The following PHF3 variants were observed in gnomAD, a reference collection of about 807,000 sequenced individuals.
The protein encoded by PHF3 is PHD finger protein 3.
Under a neutral mutation model 178.4 loss-of-function variants are expected in PHF3, and 41 were observed. The observed-to-expected ratio is 0.23, with a 90% confidence interval of 0.18 to 0.30. The LOEUF (loss-of-function observed/expected upper bound fraction) is 0.30, where lower values mean the gene tolerates loss of function less well. PHF3 is among the 10% of genes least tolerant of loss of function. The pLI is 1.00. For missense variants in PHF3, 2,346 were observed against 2,398.1 expected (o/e 0.98, Z 0.45); for synonymous variants, 842 against 800.5 (o/e 1.05, Z -0.88).
intron 2 of PHF3, among the ~76,000 whole-genome samples, chr6:63,672,164 C>T (rs529431305): frequency 1.3e-5 from 2 of 152,126 alleles, no homozygotes; most frequent in African/African-American, 2.4e-5. Context: ...TTTTACCGAA[C>T]CAAGTCTGTA....
chr6:63,700,294 A>G (rs1767416976), intron 8 of PHF3, 56 bp from the exon 9 acceptor site: 1 of 742,766 alleles, frequency 1.3e-6, no homozygotes, highest in Non-Finnish European at 2.3e-6. Flanking sequence ...ATTTCTGTGT[A>G]GTAGCCACTC....
At chr6:63,700,966 A>C (rs1011981748) in intron 9 of PHF3, among the ~76,000 whole-genome samples, 3 of 152,016 alleles carry the variant, frequency 2.0e-5, no homozygotes, top group Non-Finnish European at 2.9e-5. Context: ...CATTTTCTCC[A>C]GTTACTAGGT....
chr6:63,703,668 A>C lies in PHF3; in HGVS notation c.3364A>C (p.Ile1122Leu), dbSNP rs758170728. The change falls in exon 11 of 16, where the codon ATA (isoleucine) becomes CTA (leucine). Residue 1122 changes from isoleucine to leucine, a missense_variant. Physicochemically the swap from Ile to Leu is conservative, Grantham distance 5 (BLOSUM62 2). This residue lies in a region of PHF3 where 205 missense variants were observed against 212.4 expected (regional missense o/e 0.97). Transcript: ENST00000262043. ...TTTTGATCTCAACTGCAAAATCTGCATAGGTAATTGGAAGTTTTTCTTCGT... is the reference window on the plus strand; with the variant it reads ...TTTTGATCTCAACTGCAAAATCTGCCTAGGTAATTGGAAGTTTTTCTTCGT... ...HLFDLNCKIC[I>L]GRMAPPVDDL... The C allele has an allele frequency of 1.3e-6, 2 of 1,596,442 alleles. No individual in the cohort carries two copies. The highest frequency in any genetic ancestry group is 1.4e-5 in the African/African-American group (1 of 73,658).
chr6:63,720,999 A>G lies in PHF3; in HGVS notation c.*7291A>G, dbSNP rs1482378520. Reference sequence around the variant, plus strand: ...TTTCAAGGTCTGATTATGGAGACCAATTGCCAGAAAATCATTTTCTTCATT... The same window carrying G: ...TTTCAAGGTCTGATTATGGAGACCAGTTGCCAGAAAATCATTTTCTTCATT... On this transcript the variant is annotated 3_prime_UTR_variant, in exon 16 of 16. Transcript: ENST00000262043. 6.4e-7 allele frequency: 1 copy of G among 1,551,298 alleles called. No homozygotes were observed. Among genetic ancestry groups the G allele is most frequent in the East Asian group, 2.4e-5 (1 of 40,894 alleles).
At position 63,685,574 on chromosome 6, in the gene PHF3, C is replaced by T. The variant is rs866069301; in HGVS notation, c.1852C>T (p.His618Tyr). The T allele has an allele frequency of 6.2e-7, 1 of 1,614,090 alleles. No homozygotes were observed. Among genetic ancestry groups the T allele is most frequent in the Non-Finnish European group, 8.5e-7 (1 of 1,179,992 alleles). ...KEPHHPAQTG[H>Y]VSHSSQKQCH... ...ACCTCATCATCCTGCACAAACTGGA[C>T]ATGTATCACATTCTAGCCAGAAACA... is the stretch of plus-strand genomic sequence containing the variant. Residue 618 changes from histidine (H) to tyrosine (Y), a missense_variant, in exon 4 of 16, where the codon CAT (histidine) becomes TAT (tyrosine). Coordinates refer to ENST00000262043, the MANE Select transcript of PHF3 (RefSeq NM_001370348.2).
At chr6:63,674,766 G>T in intron 2 of PHF3, among the ~76,000 whole-genome samples, 1 of 152,090 alleles carries the variant, frequency 6.6e-6, no homozygotes, top group East Asian at 1.9e-4. Flanking sequence ...CCTCAAGTCT[G>T]GTACTTACTG....
chr6:63,642,615 C>T (rs1028193909), intron 1 of PHF3, among the ~76,000 whole-genome samples: 3 of 152,126 alleles, frequency 2.0e-5, no homozygotes, highest in African/African-American at 4.8e-5. Flanking sequence ...ATTACCAATA[C>T]GGATTTAATT....
intron 1 of PHF3, among the ~76,000 whole-genome samples, chr6:63,638,617 T>TA (rs1764447716): frequency 6.6e-6 from 1 of 152,126 alleles, no homozygotes; most frequent in Non-Finnish European, 1.5e-5. Flanking sequence ...TCAGGATTCT[T>TA]AGGGTGCTGA....
Position 63,713,599 on chromosome 6 carries a change from A to AT in PHF3, c.6012dup (p.Glu2005Ter). On this transcript the variant is annotated frameshift_variant, in exon 16 of 16. Coordinates refer to ENST00000262043, the MANE Select transcript of PHF3 (RefSeq NM_001370348.2). LOFTEE classifies it high-confidence loss of function. ...CCAGATAAACCTAAAAGTGAAGACT[A>AT]TGAGAAGGACAAAGAACGAGAGAAA... 1 of 1,613,700 alleles carries AT rather than the reference A, an allele frequency of 6.2e-7. No individual in the cohort carries two copies. Among genetic ancestry groups the AT allele is most frequent in the African/African-American group, 1.3e-5 (1 of 75,020 alleles).
chr6:63,697,113 G>C (rs1246588868), intron 6 of PHF3, among the ~76,000 whole-genome samples: 1 of 152,074 alleles, frequency 6.6e-6, no homozygotes, highest in Non-Finnish European at 1.5e-5. Flanking sequence ...TGATAGTGTA[G>C]GTGTGAAACT....
At chr6:63,674,861 G>C (rs1318564620) in intron 2 of PHF3, among the ~76,000 whole-genome samples, 1 of 152,090 alleles carries the variant, frequency 6.6e-6, no homozygotes, top group Non-Finnish European at 1.5e-5. Flanking sequence ...CATAATTAAC[G>C]CATTCCAAAT....
chr6:63,682,074 A>G (rs1182565197), intron 3 of PHF3, among the ~76,000 whole-genome samples: 1 of 152,142 alleles, frequency 6.6e-6, no homozygotes, highest in Non-Finnish European at 1.5e-5. Flanking sequence ...ATTTCAATGT[A>G]CTTTACAGCC....
chr6:63,684,537 C>T lies in PHF3; in HGVS notation c.815C>T (p.Ala272Val). 1 of 1,613,368 alleles carries T rather than the reference C, an allele frequency of 6.2e-7. No individual in the cohort carries two copies. The highest frequency in any genetic ancestry group is 1.1e-5 in the South Asian group (1 of 90,920). Residue 272 changes from alanine to valine, a missense_variant, in exon 4 of 16, where the codon GCT (alanine) becomes GTT (valine). Ala to Val is a moderately conservative substitution (Grantham distance 64). Coordinates refer to ENST00000262043, the MANE Select transcript of PHF3 (RefSeq NM_001370348.2). Reference sequence around the variant, plus strand: ...ACTATTGGAGAAAAGAAAAATGAAGCTTTGATGGAATGTAAAGCCAAGCCT... The same window carrying T: ...ACTATTGGAGAAAAGAAAAATGAAGTTTTGATGGAATGTAAAGCCAAGCCT... ...CVTIGEKKNEALMECKAKPVG... is the reference protein window; with the variant it reads ...CVTIGEKKNEVLMECKAKPVG...
At chr6:63,698,121 TA>T in intron 6 of PHF3, 101 bp from the exon 7 acceptor site, 1 of 913,514 alleles carries the variant, frequency 1.1e-6, no homozygotes, top group Non-Finnish European at 1.6e-6. Context: ...ATCTTATTTC[TA>T]AATAGTGACT....
At position 63,712,301 on chromosome 6, in the gene PHF3, A is replaced by G. The variant is rs375922643; in HGVS notation, c.4713A>G (p.Ala1571=). The G allele has an allele frequency of 6.2e-7, 1 of 1,613,288 alleles. No homozygotes were observed. Among genetic ancestry groups the G allele is most frequent in the Non-Finnish European group, 8.5e-7 (1 of 1,179,788 alleles). ...RGKPPDVSTE[A]FLTNLSIQSK... ...AGCCACCAGATGTTTCTACAGAAGC[A>G]TTTTTAACAAATTTATCAATTCAGT... Residue 1571 remains alanine (A), a synonymous_variant, in exon 16 of 16, where the codon GCA becomes GCG. Coordinates refer to ENST00000262043, the MANE Select transcript of PHF3 (RefSeq NM_001370348.2).
At chr6:63,671,307 T>C (rs2149568493) in intron 2 of PHF3, among the ~76,000 whole-genome samples, 1 of 152,290 alleles carries the variant, frequency 6.6e-6, no homozygotes, top group East Asian at 1.9e-4. Context: ...TGCTGGAGGA[T>C]AGAGTGGTGT....
intron 2 of PHF3, among the ~76,000 whole-genome samples, chr6:63,673,878 C>CT (rs1766035605): frequency 6.6e-6 from 1 of 152,158 alleles, no homozygotes; most frequent in South Asian, 2.1e-4. Flanking sequence ...CCAAGTATTT[C>CT]ACCTTATCTG....
At chr6:63,692,486 A>T (rs114719650) in intron 5 of PHF3, among the ~76,000 whole-genome samples, 1,801 of 152,356 alleles carry the variant, frequency 0.012, 30 homozygotes, top group African/African-American at 0.042. Flanking sequence ...AGGCTTTAAT[A>T]GGAGAAATGT....
In PHF3 at chr6:63,725,340, G is replaced by A. The variant is rs1260948055; in HGVS notation, c.*11632G>A. Among the ~76,000 whole-genome samples, 2 of 151,528 alleles carry A rather than the reference G, an allele frequency of 1.3e-5. No individual in the cohort carries two copies. Among genetic ancestry groups the A allele is most frequent in the Non-Finnish European group, 2.9e-5 (2 of 67,946 alleles). ...TCATATACACAAACAAATATGTATC[G>A]TTGTACTGATTATAAAACTGTAGTA... On this transcript the variant is annotated 3_prime_UTR_variant, in exon 16 of 16. Coordinates refer to ENST00000262043, the MANE Select transcript of PHF3 (RefSeq NM_001370348.2).
Sources: gnomAD v4.1 joint callset for allele counts (sites outside exome capture counted in the v4.1 genomes callset) on GRCh38, gnomAD v4.1.1 for gene constraint, gnomAD v4.1.1 regional missense constraint, MANE v1.5 for transcripts, NCBI Gene and HGNC (gene_info 2026-07-23, HGNC 2026-07-21) for gene names.